The following KIFAP3 variants were observed in gnomAD, a reference collection of about 807,000 sequenced individuals.
KIFAP3 encodes the protein kinesin-associated protein 3.
Under a neutral mutation model 106.5 loss-of-function variants are expected in KIFAP3, and 68 were observed. The observed-to-expected ratio is 0.64, with a 90% CI of 0.53 to 0.78. The LOEUF (loss-of-function observed/expected upper bound fraction) is 0.78, where lower values mean the gene tolerates loss of function less well. Ranked by LOEUF, KIFAP3 falls within the 30% of genes least tolerant of loss-of-function variation. The probability of loss-of-function intolerance (pLI) is 0.00; values close to 1 mark genes in which losing one functional copy is unlikely to be tolerated. For missense variants in KIFAP3, 780 were observed against 941.8 expected (o/e 0.83, Z 2.25); for synonymous variants, 320 against 311.5 (o/e 1.03, Z -0.29).
chr1:169,978,279 A>G, intron 15 of KIFAP3, 96 bp from the exon 16 acceptor site: 1 of 734,954 alleles, frequency 1.4e-6, no homozygotes, highest in South Asian at 1.7e-5. Context: ...AAAAACTAAA[A>G]GTGATAAGGA....
At chr1:170,077,548 T>A (rs530077941), upstream of KIFAP3, among the ~76,000 whole-genome samples, 3 of 152,324 alleles carry the variant, frequency 2.0e-5, no homozygotes, top group East Asian at 5.8e-4. Context: ...AAATACAGCA[T>A]GATGCTTTAT....
Position 169,984,587 on chromosome 1 carries a change from C to T in KIFAP3, c.1388G>A (p.Cys463Tyr). 1.3e-6 allele frequency: 2 copies of T among 1,577,834 alleles called. No individual in the cohort carries two copies. Among genetic ancestry groups the T allele is most frequent in the Non-Finnish European group, 1.7e-6 (2 of 1,150,268 alleles). Residue 463 changes from cysteine (C) to tyrosine (Y), a missense_variant, in exon 12 of 20, where the codon TGT becomes TAT. Physicochemically the swap from Cys to Tyr is radical, Grantham distance 194. Coordinates refer to ENST00000361580, the MANE Select transcript of KIFAP3 (RefSeq NM_014970.4). ...AANKRNVQLI[C>Y]EGNGLKMLMK... The stretch of plus-strand genomic sequence containing the variant: ...CTACACTCAAAGGCACTGACCTTCA[C>T]AGATAAGCTGTACATTTCTTTTGTT...
intron 17 of KIFAP3, 83 bp downstream of exon 17, chr1:169,972,430 G>T: frequency 1.4e-6 from 1 of 701,010 alleles, no homozygotes; most frequent in Non-Finnish European, 2.5e-6. Context: ...TACACTGAAT[G>T]CATTGTTTAA....
At chr1:170,084,746 C>A (rs114399406) in intron 1 of KIFAP3, among the ~76,000 whole-genome samples, 11,759 of 151,980 alleles carry the variant, frequency 0.077, 472 homozygotes, top group Non-Finnish European at 0.094. Flanking sequence ...GAATGGCATG[C>A]AAAATAAGTT....
intron 11 of KIFAP3, among the ~76,000 whole-genome samples, chr1:169,988,813 C>T (rs1346708582): frequency 6.6e-6 from 1 of 151,876 alleles, no homozygotes; most frequent in Non-Finnish European, 1.5e-5. Context: ...AAGTTATAGG[C>T]TGGATACCAC....
chr1:169,962,319 A>T (rs1665382216), intron 17 of KIFAP3, among the ~76,000 whole-genome samples: 1 of 152,194 alleles, frequency 6.6e-6, no homozygotes. Flanking sequence ...ATGGTTTTGA[A>T]GGACAAACAG....
At chr1:170,063,799 C>T (rs1671300242) in intron 1 of KIFAP3, among the ~76,000 whole-genome samples, 1 of 152,118 alleles carries the variant, frequency 6.6e-6, no homozygotes. Flanking sequence ...TCCCTGTCCA[C>T]TTAAAAATTT....
intron 19 of KIFAP3, among the ~76,000 whole-genome samples, chr1:169,934,027 G>A (rs543112724): frequency 6.2e-4 from 95 of 152,078 alleles, no homozygotes; most frequent in Middle Eastern, 3.4e-3. Context: ...AAAAGTACCC[G>A]CATATAGTAT....
At chr1:170,081,316 C>T (rs990260744) in intron 1 of KIFAP3, among the ~76,000 whole-genome samples, 4 of 152,160 alleles carry the variant, frequency 2.6e-5, no homozygotes, top group African/African-American at 9.7e-5. Context: ...TATCATGGAA[C>T]TGGAAATTTA....
intron 19 of KIFAP3, among the ~76,000 whole-genome samples, chr1:169,950,504 A>C (rs564633696): frequency 4.6e-5 from 7 of 152,244 alleles, no homozygotes; most frequent in African/African-American, 1.7e-4. Context: ...ATTTAAAGGA[A>C]AAACACCCAA....
At chr1:170,003,484 C>T (rs1000490723) in intron 10 of KIFAP3, among the ~76,000 whole-genome samples, 3 of 152,174 alleles carry the variant, frequency 2.0e-5, no homozygotes, top group East Asian at 1.9e-4. Flanking sequence ...GAGTCAGGGA[C>T]GCACTTGAGG....
At chr1:170,063,251 T>C (rs144668495) in intron 1 of KIFAP3, among the ~76,000 whole-genome samples, 7 of 152,328 alleles carry the variant, frequency 4.6e-5, no homozygotes, top group African/African-American at 1.7e-4. Flanking sequence ...CTCTGATAGA[T>C]AACAACACTA....
chr1:169,991,410 A>G (rs1213867739), intron 11 of KIFAP3, among the ~76,000 whole-genome samples: 1 of 152,082 alleles, frequency 6.6e-6, no homozygotes, highest in Non-Finnish European at 1.5e-5. Flanking sequence ...GTAACAGAAT[A>G]TGGATAATAA....
At position 169,961,102 on chromosome 1, in the gene KIFAP3, T is replaced by A; in HGVS notation, c.2117A>T (p.Glu706Val). 6.2e-7 allele frequency: 1 copy of A among 1,613,658 alleles called. No individual in the cohort carries two copies. The highest frequency in any genetic ancestry group is 8.5e-7 in the Non-Finnish European group (1 of 1,179,690). ...EQYLYGDDRI[E>V]PYIHEGDILE... ...AATATCTCCTTCATGAATGTATGGC[T>A]CAATTCGATCATCACCATACAAGTA... The change falls in exon 18 of 20, where the codon GAG becomes GTG. Residue 706 changes from glutamate (E) to valine (V), a missense_variant. Physicochemically the swap from Glu to Val is moderately radical, Grantham distance 121 (BLOSUM62 -2). Transcript: ENST00000361580.
At chr1:170,001,885 C>T (rs1195089284) in intron 10 of KIFAP3, among the ~76,000 whole-genome samples, 1 of 151,966 alleles carries the variant, frequency 6.6e-6, no homozygotes, top group African/African-American at 2.4e-5. Context: ...AATAAAGTTT[C>T]ATTTTTTCAT....
At chr1:169,991,951 T>A (rs1667127143) in intron 11 of KIFAP3, among the ~76,000 whole-genome samples, 1 of 152,056 alleles carries the variant, frequency 6.6e-6, no homozygotes, top group Admixed American at 6.6e-5. Flanking sequence ...ACCAAAGTGT[T>A]AAATAGTTAT....
chr1:169,988,495 C>T (rs190957470), intron 11 of KIFAP3, among the ~76,000 whole-genome samples: 36 of 151,892 alleles, frequency 2.4e-4, no homozygotes, highest in Admixed American at 8.5e-4. Context: ...TAATTACAAA[C>T]GAACAGAATA....
At chr1:169,994,117 C>A (rs1271784632) in intron 10 of KIFAP3, among the ~76,000 whole-genome samples, 1 of 151,942 alleles carries the variant, frequency 6.6e-6, no homozygotes, top group Non-Finnish European at 1.5e-5. Context: ...CCATGCTAAA[C>A]AGACTGTATG....
intron 1 of KIFAP3, among the ~76,000 whole-genome samples, chr1:170,060,458 T>C (rs887522189): frequency 6.6e-6 from 1 of 152,122 alleles, no homozygotes; most frequent in Non-Finnish European, 1.5e-5. Flanking sequence ...TTACAAGGGA[T>C]GTGAAGGACC....
Sources: gnomAD v4.1 joint callset for allele counts (sites outside exome capture counted in the v4.1 genomes callset) on GRCh38, gnomAD v4.1.1 for gene constraint, MANE v1.5 for transcripts, NCBI Gene and HGNC (gene_info 2026-07-23, HGNC 2026-07-21) for gene names.